The following DNMBP variants were observed in gnomAD, a reference collection of about 807,000 sequenced individuals.
DNMBP encodes the protein dynamin-binding protein.
In DNMBP, 87 loss-of-function variants were observed where a neutral mutation model predicts 150.0. The observed-to-expected ratio is 0.58, with a 90% CI of 0.49 to 0.69. The LOEUF is 0.69. Ranked by LOEUF, DNMBP falls within the 30% of genes least tolerant of loss-of-function variation. The pLI is 0.00. For missense variants in DNMBP, 1,774 were observed against 1,949.0 expected (o/e 0.91, Z 1.69); for synonymous variants, 711 against 750.4 (o/e 0.95, Z 0.86).
rs141834460 is a variant in DNMBP at position 99,985,266 on chromosome 10, C to A, written c.-10-13132G>T. Among the ~76,000 whole-genome samples, 292 of 152,214 alleles carry A rather than the reference C, an allele frequency of 1.9e-3. 4 individuals carry two copies. Among genetic ancestry groups the A allele is most frequent in the African/African-American group, 6.6e-3 (275 of 41,534 alleles). On this transcript the variant is annotated intron_variant, in intron 1 of 16. Transcript: ENST00000324109. ...AAAACCAGGGACGAGCAGCTTTACACAAACAACAACAAAAACTGCAGTACT... is the reference window on the plus strand; with the variant it reads ...AAAACCAGGGACGAGCAGCTTTACAAAAACAACAACAAAAACTGCAGTACT...
intron 1 of DNMBP, among the ~76,000 whole-genome samples, chr10:99,991,753 A>G (rs1388971746): frequency 6.6e-6 from 1 of 151,542 alleles, no homozygotes; most frequent in Non-Finnish European, 1.5e-5. Context: ...AAAAATACAA[A>G]AAGTTAGCCA....
At chr10:99,878,774 C>T (rs998517585) in intron 16 of DNMBP, among the ~76,000 whole-genome samples, 5 of 152,120 alleles carry the variant, frequency 3.3e-5, no homozygotes, top group African/African-American at 9.7e-5. Context: ...AGGCAACAAA[C>T]GGTGCAGCAA....
At chr10:99,951,838 T>C (rs1396972625) in intron 4 of DNMBP, among the ~76,000 whole-genome samples, 4 of 152,216 alleles carry the variant, frequency 2.6e-5, no homozygotes, top group African/African-American at 7.2e-5. Context: ...GAGTTAATGC[T>C]GAAATGAGTT....
intron 1 of DNMBP, among the ~76,000 whole-genome samples, chr10:100,006,020 C>T (rs2041068010): frequency 6.6e-6 from 1 of 152,140 alleles, no homozygotes; most frequent in Non-Finnish European, 1.5e-5. Flanking sequence ...ACGATAAACA[C>T]AGAATTGTTT....
At chr10:100,000,520 TTC>T (rs1450839223) in intron 1 of DNMBP, among the ~76,000 whole-genome samples, 1 of 152,118 alleles carries the variant, frequency 6.6e-6, no homozygotes, top group Non-Finnish European at 1.5e-5. Context: ...GAGAGCTAAT[TTC>T]TCTGTGTCTG....
At chr10:99,942,969 A>T (rs189501456) in intron 4 of DNMBP, among the ~76,000 whole-genome samples, 2 of 152,302 alleles carry the variant, frequency 1.3e-5, no homozygotes, top group Non-Finnish European at 2.9e-5. Flanking sequence ...TCCTTTACAT[A>T]AACTTTCATT....
rs1270899363 is a variant in DNMBP at position 99,876,847 on chromosome 10, A to C, written c.*304T>G. On this transcript the variant is annotated 3_prime_UTR_variant, in exon 17 of 17. Coordinates refer to ENST00000324109, the MANE Select transcript of DNMBP (RefSeq NM_015221.4). ...GCACAGCTTCCTGCATACATAGGAC[A>C]CTGGGCTTCTGACTGCAAGTTTCTC... The C allele has an allele frequency of 3.5e-6, 1 of 282,104 alleles. No individual in the cohort carries two copies. Among genetic ancestry groups the C allele is most frequent in the African/African-American group, 2.2e-5 (1 of 45,334 alleles). 17.5% of individuals were successfully genotyped at this position (282,104 alleles called of 1,614,324 possible). A position where few individuals can be genotyped will look rare whatever the true frequency, so the allele number is the denominator to read the frequency against.
intron 4 of DNMBP, among the ~76,000 whole-genome samples, chr10:99,947,782 T>C (rs1273515203): frequency 1.3e-5 from 2 of 152,216 alleles, no homozygotes; most frequent in Non-Finnish European, 2.9e-5. Flanking sequence ...ATATTTGTGG[T>C]ATTTCTTTCA....
intron 11 of DNMBP, among the ~76,000 whole-genome samples, chr10:99,894,512 T>G (rs990714716): frequency 6.6e-6 from 1 of 152,170 alleles, no homozygotes; most frequent in African/African-American, 2.4e-5. Context: ...ATTAATAAAT[T>G]GGGAGCTGAA....
chr10:99,958,474 T>C (rs976493790), intron 3 of DNMBP: 1 of 152,242 alleles, frequency 6.6e-6, no homozygotes, highest in Non-Finnish European at 1.5e-5. Context: ...CAGACAACTA[T>C]GTTTATTCAG....
At chr10:99,969,063 C>T (rs2040649006) in intron 3 of DNMBP, 52 bp downstream of exon 3, 1 of 1,603,828 alleles carries the variant, frequency 6.2e-7, no homozygotes, top group East Asian at 2.2e-5. Context: ...TCGAAACGGG[C>T]AGACTCCAAA....
chr10:99,901,610 G>C (rs998276169), intron 6 of DNMBP, among the ~76,000 whole-genome samples: 2 of 152,104 alleles, frequency 1.3e-5, no homozygotes, highest in Non-Finnish European at 2.9e-5. Context: ...CAGAGCTGTG[G>C]CCTGAACGTG....
Position 99,908,956 on chromosome 10 carries a change from T to G in DNMBP, c.2451A>C (p.Ala817=), listed in dbSNP as rs762105426. Residue 817 remains alanine (A), a synonymous_variant, in exon 5 of 17, where the codon GCA becomes GCC. Coordinates refer to ENST00000324109, the MANE Select transcript of DNMBP (RefSeq NM_015221.4). ...AACTCTGTCTCCCAGTTCCCACCTG[T>G]GCCTGCTGCATGGGTACCATGATCC... The part of the protein sequence containing the change: ...IERIMVPMQQ[A]QVPNIDFEGL... 2 of 1,612,956 alleles carry G rather than the reference T, an allele frequency of 1.2e-6. No individual in the cohort carries two copies. Among genetic ancestry groups the G allele is most frequent in the Non-Finnish European group, 1.7e-6 (2 of 1,179,294 alleles).
intron 4 of DNMBP, among the ~76,000 whole-genome samples, chr10:99,931,376 A>G (rs937736057): frequency 6.6e-6 from 1 of 152,192 alleles, no homozygotes; most frequent in Non-Finnish European, 1.5e-5. Context: ...CTGGAATTGA[A>G]GTCACCAGTT....
intron 4 of DNMBP, among the ~76,000 whole-genome samples, chr10:99,929,427 T>C (rs2040120466): frequency 6.6e-6 from 1 of 152,208 alleles, no homozygotes; most frequent in South Asian, 2.1e-4. Flanking sequence ...ATATATACTC[T>C]TGCTCTGTAC....
intron 1 of DNMBP, among the ~76,000 whole-genome samples, chr10:99,997,301 T>G (rs1316529840): frequency 6.6e-6 from 1 of 152,234 alleles, no homozygotes; most frequent in African/African-American, 2.4e-5. Context: ...AACACGAAAA[T>G]GCCCTTCCAC....
intron 4 of DNMBP, among the ~76,000 whole-genome samples, chr10:99,910,718 G>A (rs2039888779): frequency 6.6e-6 from 1 of 152,210 alleles, no homozygotes; most frequent in South Asian, 2.1e-4. Context: ...ACAACATGGT[G>A]GGGATAGGTC....
At chr10:99,946,204 C>T (rs943049902) in intron 4 of DNMBP, among the ~76,000 whole-genome samples, 21 of 152,224 alleles carry the variant, frequency 1.4e-4, no homozygotes, top group African/African-American at 4.3e-4. Flanking sequence ...GTCATCCATC[C>T]GCCTCGGCCT....
At chr10:99,921,864 GA>G (rs34344466) in intron 4 of DNMBP, among the ~76,000 whole-genome samples, 1,546 of 23,684 alleles carry the variant, frequency 0.065, 1 homozygote, top group African/African-American at 0.15. Context: ...GATTCCATCT[GA>G]AAAAAAAAAA....
Sources: allele counts gnomAD v4.1 joint callset (sites outside exome capture counted in the v4.1 genomes callset), GRCh38; gene constraint gnomAD v4.1.1; transcripts MANE v1.5; gene names NCBI Gene and HGNC (gene_info 2026-07-23, HGNC 2026-07-21).